The following SEMA3A variants were observed in gnomAD, a reference collection of about 807,000 sequenced individuals.
SEMA3A encodes semaphorin-3A.
Under a neutral mutation model 97.9 loss-of-function variants are expected in SEMA3A, and 29 were observed. The ratio of observed to expected loss-of-function variants is 0.30; its 90% CI spans 0.22 to 0.40. The LOEUF (loss-of-function observed/expected upper bound fraction) is 0.40. Ranked by LOEUF, SEMA3A falls within the 10% of genes least tolerant of loss-of-function variation. SEMA3A has a pLI of 1.00. For missense variants in SEMA3A, 763 were observed against 951.3 expected (o/e 0.80, Z 2.60); for synonymous variants, 321 against 323.7 (o/e 0.99, Z 0.09).
intron 2 of SEMA3A, among the ~76,000 whole-genome samples, chr7:84,367,076 G>A (rs1802865555): frequency 6.6e-6 from 1 of 151,072 alleles, no homozygotes; most frequent in African/African-American, 2.4e-5. Context: ...TATGACATAT[G>A]TCTCTGAATC....
chr7:84,298,196 G>A (rs768625240), intron 3 of SEMA3A, among the ~76,000 whole-genome samples: 14 of 151,896 alleles, frequency 9.2e-5, no homozygotes, highest in Non-Finnish European at 1.5e-4. Context: ...TCAAACCTAC[G>A]GAAACATATT....
chr7:84,425,440 C>CATATAAATATATGT (rs1562943595), intron 1 of SEMA3A, among the ~76,000 whole-genome samples: 18 of 126,974 alleles, frequency 1.4e-4, no homozygotes, highest in African/African-American at 2.0e-4. Context: ...TAAATATAGG[C>CATATAAATATATGT]ATATATTTAT....
chr7:84,353,027 T>A (rs611954), intron 2 of SEMA3A, among the ~76,000 whole-genome samples: 1 of 151,482 alleles, frequency 6.6e-6, no homozygotes, highest in Non-Finnish European at 1.5e-5. Flanking sequence ...GTCCACAGAA[T>A]CTCAAGTCAC....
At chr7:84,266,884 T>G (rs899896058) in intron 3 of SEMA3A, among the ~76,000 whole-genome samples, 5 of 152,204 alleles carry the variant, frequency 3.3e-5, no homozygotes, top group Admixed American at 3.3e-4. Flanking sequence ...ATCATTATTA[T>G]AGACACAATA....
Position 84,240,382 on chromosome 7 carries a change from TC to T in SEMA3A, c.-82-45715del, listed in dbSNP as rs1167490886. Among the ~76,000 whole-genome samples the T allele has an allele frequency of 7.4e-5, 11 of 148,848 alleles. 1 individual carries two copies. In the Middle Eastern group the frequency reaches 0.01, roughly 140 times the overall value. Reference sequence around the variant, plus strand: ...GAAATTTCTTGTTATCCCTGTTTGGTCCCTAAATGTCATCACAAATGTCCTT... The same window carrying T: ...GAAATTTCTTGTTATCCCTGTTTGGTCCTAAATGTCATCACAAATGTCCTT... On this transcript the variant is annotated intron_variant, in intron 3 of 3. Coordinates refer to the SEMA3A transcript ENST00000424555.
At chr7:84,115,771 A>G (rs2115962630) in intron 3 of SEMA3A, among the ~76,000 whole-genome samples, 1 of 152,270 alleles carries the variant, frequency 6.6e-6, no homozygotes, top group African/African-American at 2.4e-5. Context: ...CCGAACCAGG[A>G]AAATTATGAA....
intron 7 of SEMA3A, among the ~76,000 whole-genome samples, chr7:84,013,840 C>G (rs1222250514): frequency 1.3e-5 from 2 of 152,138 alleles, no homozygotes; most frequent in Non-Finnish European, 2.9e-5. Flanking sequence ...GAGCAAGACT[C>G]TGTCTCAAAA....
intron 4 of SEMA3A, among the ~76,000 whole-genome samples, chr7:84,098,545 T>G (rs2115886259): frequency 6.6e-6 from 1 of 152,190 alleles, no homozygotes; most frequent in Admixed American, 6.6e-5. Context: ...TTTATGTTAT[T>G]ACTATAATCT....
At chr7:84,462,038 A>G (rs1391400235) in intron 1 of SEMA3A, among the ~76,000 whole-genome samples, 1 of 152,070 alleles carries the variant, frequency 6.6e-6, no homozygotes, top group African/African-American at 2.4e-5. Flanking sequence ...TCTCTTTTTG[A>G]TATTTTTAAA....
chr7:84,252,661 T>C (rs1799634496), intron 3 of SEMA3A, among the ~76,000 whole-genome samples: 1 of 152,198 alleles, frequency 6.6e-6, no homozygotes, highest in Non-Finnish European at 1.5e-5. Context: ...ATGACATGAA[T>C]ATTAAAAGCT....
At position 84,169,292 on chromosome 7, in the gene SEMA3A, A is replaced by T. The variant is rs564560469; in HGVS notation, c.112+25183T>A. The stretch of plus-strand genomic sequence containing the variant: ...GGGCCATAAACCTATCTCTCCCACA[A>T]GTATTCAAGAGTGAAAGCCTAAGTT... On this transcript the variant is annotated intron_variant, in intron 1 of 16. Transcript: ENST00000265362. Among the ~76,000 whole-genome samples the T allele has an allele frequency of 4.6e-5, 7 of 151,508 alleles. No individual in the cohort carries two copies. In the East Asian group the frequency reaches 1.2e-3, roughly 25 times the overall value.
intron 2 of SEMA3A, among the ~76,000 whole-genome samples, chr7:84,317,011 C>G (rs995001842): frequency 6.6e-6 from 1 of 152,008 alleles, no homozygotes; most frequent in Non-Finnish European, 1.5e-5. Context: ...ATACTATTAG[C>G]TGGTACCCAT....
chr7:84,433,180 A>G (rs1220971184), intron 1 of SEMA3A, among the ~76,000 whole-genome samples: 2 of 151,724 alleles, frequency 1.3e-5, no homozygotes, highest in Non-Finnish European at 2.9e-5. Context: ...GCACCCATCA[A>G]CCCATCATTT....
At chr7:84,054,996 G>A (rs1444440678) in intron 5 of SEMA3A, among the ~76,000 whole-genome samples, 1 of 152,134 alleles carries the variant, frequency 6.6e-6, no homozygotes, top group Non-Finnish European at 1.5e-5. Flanking sequence ...GCTGTGGGGT[G>A]CCTCCCAGTT....
chr7:84,348,776 A>G (rs1285868868), intron 2 of SEMA3A, among the ~76,000 whole-genome samples: 1 of 152,154 alleles, frequency 6.6e-6, no homozygotes, highest in Non-Finnish European at 1.5e-5. Context: ...TGAGGTCAGG[A>G]GTTTGAGACC....
chr7:84,198,916 C>G (rs1277501851), upstream of SEMA3A, among the ~76,000 whole-genome samples: 1 of 152,124 alleles, frequency 6.6e-6, no homozygotes, highest in African/African-American at 2.4e-5. Context: ...TCAGTAAAGA[C>G]CTCTGTAGTC....
At chr7:84,067,153 GAAA>G (rs1479711575) in intron 4 of SEMA3A, among the ~76,000 whole-genome samples, 2 of 152,102 alleles carry the variant, frequency 1.3e-5, no homozygotes, top group African/African-American at 4.8e-5. Flanking sequence ...ACAAACCTGA[GAAA>G]AACAAGCAAT....
At chr7:84,175,302 G>A (rs552328122) in intron 1 of SEMA3A, among the ~76,000 whole-genome samples, 13 of 152,172 alleles carry the variant, frequency 8.5e-5, no homozygotes, top group African/African-American at 2.9e-4. Context: ...CATTAAATGG[G>A]AATTATTAAT....
chr7:84,208,053 C>A (rs138810456), intron 3 of SEMA3A, among the ~76,000 whole-genome samples: 322 of 152,150 alleles, frequency 2.1e-3, no homozygotes, highest in African/African-American at 7.4e-3. Context: ...TGTGTATATA[C>A]TTATATATAC....
Sources: gnomAD v4.1 joint callset for allele counts (sites outside exome capture counted in the v4.1 genomes callset) on GRCh38, gnomAD v4.1.1 for gene constraint, MANE v1.5 for transcripts, NCBI Gene and HGNC (gene_info 2026-07-23, HGNC 2026-07-21) for gene names.